Variants in MGAT4C observed in about 807,000 individuals in gnomAD.
The protein encoded by MGAT4C is MGAT4 family member C, also known as alpha-1,3-mannosyl-glycoprotein 4-beta-N-acetylglucosaminyltransferase C.
Under a neutral mutation model 40.1 loss-of-function variants are expected in MGAT4C, and 19 were observed. The ratio of observed to expected loss-of-function variants is 0.47; its 90% CI spans 0.33 to 0.70. The LOEUF (loss-of-function observed/expected upper bound fraction) is 0.70. MGAT4C is among the 30% of genes least tolerant of loss of function. MGAT4C has a pLI of 0.02. For synonymous variants in MGAT4C, 181 were observed against 187.1 expected, an observed-to-expected ratio of 0.97 and a Z score of 0.27; for missense variants, 491 against 563.2, an observed-to-expected ratio of 0.87 and a Z score of 1.30.
intron 3 of MGAT4C, among the ~76,000 whole-genome samples, chr12:86,361,104 A>G (rs10776963): frequency 0.73 from 111,456 of 152,062 alleles, 41,058 homozygotes; most frequent in East Asian, 0.9. Flanking sequence ...GGCTATAGCA[A>G]CCAAAACAGC....
intron 2 of MGAT4C, among the ~76,000 whole-genome samples, chr12:86,668,937 A>G (rs1456938424): frequency 6.6e-6 from 1 of 151,374 alleles, no homozygotes; most frequent in Non-Finnish European, 1.5e-5. Flanking sequence ...TGGAGCACCT[A>G]CTCTTCTGGA....
intron 2 of MGAT4C, among the ~76,000 whole-genome samples, chr12:86,547,200 T>G (rs1178729855): frequency 6.6e-6 from 1 of 152,052 alleles, no homozygotes; most frequent in Non-Finnish European, 1.5e-5. Flanking sequence ...CTTTCTTTTT[T>G]GCTTATGCAA....
At chr12:86,539,473 G>A (rs1029624904) in intron 2 of MGAT4C, among the ~76,000 whole-genome samples, 8 of 152,072 alleles carry the variant, frequency 5.3e-5, no homozygotes, top group East Asian at 1.9e-4. Context: ...GAATAGTGCC[G>A]CAATAAACAT....
At chr12:86,812,523 A>G (rs1952498297) in intron 1 of MGAT4C, among the ~76,000 whole-genome samples, 1 of 152,062 alleles carries the variant, frequency 6.6e-6, no homozygotes, top group South Asian at 2.1e-4. Flanking sequence ...ATCTTGTTAA[A>G]TGGATCTTCT....
At chr12:86,493,953 C>G (rs1335277456) in intron 2 of MGAT4C, among the ~76,000 whole-genome samples, 2 of 151,894 alleles carry the variant, frequency 1.3e-5, no homozygotes, top group Admixed American at 6.6e-5. Flanking sequence ...TTTTTTCTCT[C>G]TCTTTTTTTA....
intron 2 of MGAT4C, among the ~76,000 whole-genome samples, chr12:86,466,450 G>A (rs1592882055): frequency 2.0e-5 from 3 of 152,162 alleles, no homozygotes; most frequent in Non-Finnish European, 4.4e-5. Flanking sequence ...AGGCTACATA[G>A]TTACTGTATG....
chr12:86,700,986 A>T (rs1282069745), intron 2 of MGAT4C, among the ~76,000 whole-genome samples: 1 of 152,152 alleles, frequency 6.6e-6, no homozygotes, highest in Non-Finnish European at 1.5e-5. Context: ...ATATAAATGC[A>T]ATAAGAAAAA....
At chr12:86,742,346 G>T (rs2559809) in intron 1 of MGAT4C, among the ~76,000 whole-genome samples, 5,664 of 151,502 alleles carry the variant, frequency 0.037, 136 homozygotes, top group Non-Finnish European at 0.049. Flanking sequence ...TTCCTTAATT[G>T]ATTAATATTA....
chr12:86,812,158 G>T (rs1480726666), intron 1 of MGAT4C, among the ~76,000 whole-genome samples: 1 of 152,042 alleles, frequency 6.6e-6, no homozygotes, highest in Non-Finnish European at 1.5e-5. Flanking sequence ...TGTTGGCAGG[G>T]GACACATTCT....
At chr12:86,769,874 GT>G (rs1415871187) in intron 1 of MGAT4C, among the ~76,000 whole-genome samples, 2 of 151,974 alleles carry the variant, frequency 1.3e-5, no homozygotes, top group African/African-American at 4.8e-5. Flanking sequence ...GTGGTGTGGA[GT>G]GGGGGAGGGA....
Position 86,602,314 on chromosome 12 carries a change from C to A in MGAT4C, c.-229+124895G>T, listed in dbSNP as rs79166231. Among the ~76,000 whole-genome samples, 374 of 152,188 alleles carry A rather than the reference C, an allele frequency of 2.5e-3. 4 individuals carry two copies. In the Middle Eastern group the frequency reaches 0.027, roughly 11 times the overall value. On this transcript the variant is annotated intron_variant, in intron 2 of 7. Coordinates refer to the MGAT4C transcript ENST00000548651. ...GAGGTTTGTGGCTGGCGAAGCCATA[C>A]CCTAAGGATCCTGTGACAATAAGGT...
chr12:86,016,880 C>A (rs1480467673), intron 2 of MGAT4C, among the ~76,000 whole-genome samples: 1 of 151,976 alleles, frequency 6.6e-6, no homozygotes. Flanking sequence ...ATTTTAATAT[C>A]CATGGATTTG....
intron 3 of MGAT4C, among the ~76,000 whole-genome samples, chr12:86,374,512 A>G (rs1050133715): frequency 1.3e-5 from 2 of 152,164 alleles, no homozygotes; most frequent in African/African-American, 4.8e-5. Flanking sequence ...AATTTATTAA[A>G]TACTTACTAT....
intron 2 of MGAT4C, among the ~76,000 whole-genome samples, chr12:86,039,126 C>T (rs1292359595): frequency 7.6e-6 from 1 of 131,618 alleles, no homozygotes; most frequent in African/African-American, 2.5e-5. Context: ...GGTAACCCAA[C>T]CTTTCTCTCT....
intron 1 of MGAT4C, among the ~76,000 whole-genome samples, chr12:86,182,513 C>T (rs1888236976): frequency 6.6e-6 from 1 of 152,022 alleles, no homozygotes; most frequent in South Asian, 2.1e-4. Context: ...TGTTATATCC[C>T]TATCCATTTG....
At chr12:86,547,102 C>T (rs1286744099) in intron 2 of MGAT4C, among the ~76,000 whole-genome samples, 4 of 151,752 alleles carry the variant, frequency 2.6e-5, no homozygotes, top group Non-Finnish European at 1.5e-5. Context: ...CTTTTATTTT[C>T]CCATGTTTTA....
rs80316288 is a variant in MGAT4C, at chr12:86,605,969, T to C, written c.-229+121240A>G. Among the ~76,000 whole-genome samples the C allele has an allele frequency of 3.4e-3, 523 of 152,230 alleles. 1 individual carries two copies. Among genetic ancestry groups the C allele is most frequent in the African/African-American group, 0.012 (501 of 41,542 alleles). On this transcript the variant is annotated intron_variant, in intron 2 of 7. Coordinates refer to the MGAT4C transcript ENST00000548651. ...TAATTGACTCACTGTTCAGCATTGCTGGAGAGGCCTTAGAAAGCTTACCAT... is the reference window on the plus strand; with the variant it reads ...TAATTGACTCACTGTTCAGCATTGCCGGAGAGGCCTTAGAAAGCTTACCAT...
At chr12:86,601,488 C>T (rs982071040) in intron 2 of MGAT4C, among the ~76,000 whole-genome samples, 1 of 152,120 alleles carries the variant, frequency 6.6e-6, no homozygotes, top group Non-Finnish European at 1.5e-5. Flanking sequence ...TAGCGGTTAC[C>T]TGTGTCCGGT....
chr12:86,386,924 C>A (rs527750172), intron 3 of MGAT4C, among the ~76,000 whole-genome samples: 1 of 152,228 alleles, frequency 6.6e-6, no homozygotes, highest in Admixed American at 6.5e-5. Context: ...TGACTAATAA[C>A]ACATATCACT....
Sources: gnomAD v4.1 joint callset for allele counts (sites outside exome capture counted in the v4.1 genomes callset) on GRCh38, gnomAD v4.1.1 for gene constraint, MANE v1.5 for transcripts, NCBI Gene and HGNC (gene_info 2026-07-23, HGNC 2026-07-21) for gene names.